The following WWP1 variants were observed in gnomAD, a reference collection of about 807,000 sequenced individuals.
WWP1 encodes NEDD4-like E3 ubiquitin-protein ligase WWP1.
WWP1 carries 49 observed loss-of-function variants against 130.6 expected under a neutral mutation model. The observed-to-expected ratio is 0.38, with a 90% confidence interval of 0.30 to 0.48. WWP1 has a LOEUF of 0.48. WWP1 is among the 20% of genes least tolerant of loss of function. WWP1 has a pLI of 0.99. For missense variants in WWP1, 809 were observed against 1,100.6 expected (o/e 0.74, Z 3.75); for synonymous variants, 332 against 367.8 (o/e 0.90, Z 1.11).
chr8:86,391,688 TG>T (rs1255361363), intron 5 of WWP1, among the ~76,000 whole-genome samples: 1 of 133,618 alleles, frequency 7.5e-6, no homozygotes, highest in Non-Finnish European at 1.6e-5. Context: ...AATGAAGGAG[TG>T]GGGGTGGGGG....
intron 1 of WWP1, among the ~76,000 whole-genome samples, chr8:86,367,733 G>A (rs1586274470): frequency 6.6e-6 from 1 of 152,104 alleles, no homozygotes; most frequent in East Asian, 1.9e-4. Context: ...AACCTAAATT[G>A]ATCATATAGT....
chr8:86,374,331 T>A (rs538777325), intron 3 of WWP1, among the ~76,000 whole-genome samples: 1 of 152,222 alleles, frequency 6.6e-6, no homozygotes, highest in South Asian at 2.1e-4. Flanking sequence ...AGAGAAGATA[T>A]AGCCTCTGTA....
chr8:86,453,277 A>G (rs1205794546), intron 21 of WWP1, among the ~76,000 whole-genome samples: 1 of 152,144 alleles, frequency 6.6e-6, no homozygotes, highest in Non-Finnish European at 1.5e-5. Context: ...CTATGAGTGA[A>G]ATCATACAGT....
At chr8:86,410,557 C>G (rs1263050033) in intron 8 of WWP1, among the ~76,000 whole-genome samples, 1 of 152,076 alleles carries the variant, frequency 6.6e-6, no homozygotes, top group Non-Finnish European at 1.5e-5. Flanking sequence ...AGGTTCTTCC[C>G]TAGAGATTTC....
At chr8:86,427,396 A>AT (rs201919584) in intron 10 of WWP1, among the ~76,000 whole-genome samples, 1 of 151,820 alleles carries the variant, frequency 6.6e-6, no homozygotes, top group African/African-American at 2.4e-5. Context: ...TTAAAGTAAA[A>AT]TTAAAAAAAA....
chr8:86,435,793 C>G, intron 16 of WWP1, 89 bp downstream of exon 16: 1 of 1,230,286 alleles, frequency 8.1e-7, no homozygotes, highest in Non-Finnish European at 1.2e-6. Flanking sequence ...GATTTTTAAA[C>G]CACCCAGAAC....
intron 3 of WWP1, among the ~76,000 whole-genome samples, chr8:86,377,376 G>C (rs1008258218): frequency 7.2e-5 from 11 of 152,110 alleles, no homozygotes; most frequent in African/African-American, 2.7e-4. Flanking sequence ...GGGATTACAG[G>C]CTGAGCCACC....
rs186365387 is a variant in WWP1 at position 86,361,989 on chromosome 8, T to C, written c.-114-6950T>C. Among the ~76,000 whole-genome samples the C allele has an allele frequency of 2.2e-3, 289 of 132,040 alleles. 3 individuals are homozygous for C. The highest frequency in any genetic ancestry group is 7.1e-3 in the African/African-American group (271 of 38,242). 86.6% of individuals were successfully genotyped at this position (132,040 alleles called of 152,430 possible). A position where few individuals can be genotyped will look rare whatever the true frequency, so the allele number is the denominator to read the frequency against. On this transcript the variant is annotated intron_variant, in intron 1 of 24. Transcript: ENST00000517970. ...GTGTGTGTGTGTATATATATATATA[T>C]ATACATATATATACACACATATATA...
At position 86,411,589 on chromosome 8, in the gene WWP1, G is replaced by A; in HGVS notation, c.776G>A (p.Gly259Asp). ...CCAACTGATAATGCGTCTGTCACGG[G>A]TACTCCAGTAGTGTCTGAAGAAAAT... ...FAPTDNASVT[G>D]TPVVSEENAL... Residue 259 changes from glycine (G) to aspartate (D), a missense_variant, in exon 9 of 25, where the codon GGT becomes GAT. Around this residue, in one of 3 missense-constraint regions of WWP1, gnomAD observed 262 missense variants for 346.0 expected, o/e 0.76. Transcript: ENST00000517970. 1.2e-6 allele frequency: 2 copies of A among 1,614,030 alleles called. No homozygotes were observed. The highest frequency in any genetic ancestry group is 1.7e-6 in the Non-Finnish European group (2 of 1,179,918).
At position 86,347,015 on chromosome 8, in the gene WWP1, T is replaced by C. The variant is rs182197039; in HGVS notation, c.-115+4085T>C. On this transcript the variant is annotated intron_variant, in intron 1 of 24. Transcript: ENST00000517970. ...TTATATTTTATTTTATTTTATTTTA[T>C]TTATTTATTTTTGAGACAGGGTCTT... 3.0e-3 allele frequency among the ~76,000 whole-genome samples: 462 copies of C among 152,116 alleles called. 2 individuals carry two copies. Among genetic ancestry groups the C allele is most frequent in the African/African-American group, 0.011 (440 of 41,524 alleles).
intron 18 of WWP1, among the ~76,000 whole-genome samples, chr8:86,443,615 C>T (rs1345172337): frequency 6.6e-6 from 1 of 152,042 alleles, no homozygotes; most frequent in Non-Finnish European, 1.5e-5. Context: ...ATACACAGTC[C>T]CTGCTCTCAG....
At chr8:86,386,577 T>A (rs72688583) in intron 5 of WWP1, among the ~76,000 whole-genome samples, 8,244 of 152,210 alleles carry the variant, frequency 0.054, 314 homozygotes, top group Non-Finnish European at 0.086. Flanking sequence ...TAACTTTTAC[T>A]TAACTATCCT....
chr8:86,362,557 C>G (rs535386682), intron 1 of WWP1, among the ~76,000 whole-genome samples: 1 of 152,038 alleles, frequency 6.6e-6, no homozygotes, highest in Non-Finnish European at 1.5e-5. Context: ...GTGAGTTCAT[C>G]AAAGGAATTT....
intron 5 of WWP1, among the ~76,000 whole-genome samples, chr8:86,385,432 C>T (rs1825226335): frequency 6.6e-6 from 1 of 151,842 alleles, no homozygotes; most frequent in South Asian, 2.1e-4. Flanking sequence ...TCTAGCTCTT[C>T]AGGAAGAACC....
At chr8:86,419,897 A>G (rs1302681883) in intron 9 of WWP1, among the ~76,000 whole-genome samples, 3 of 152,194 alleles carry the variant, frequency 2.0e-5, no homozygotes, top group Non-Finnish European at 4.4e-5. Flanking sequence ...ATCAACACGA[A>G]AAGCTAGAAG....
chr8:86,370,855 C>CTTTTTTTTTTTTTTTTTTTTTTTTTTTT (rs555585296), intron 2 of WWP1, among the ~76,000 whole-genome samples: 1 of 44,862 alleles, frequency 2.2e-5, no homozygotes, highest in African/African-American at 1.0e-4. Flanking sequence ...TATATTCATT[C>CTTTTTTTTTTTTTTTTTTTTTTTTTTTT]TTTTTTTTTT....
rs1311685356 is a variant in WWP1, at chr8:86,420,952, A to C, written c.1062-4271A>C. On this transcript the variant is annotated intron_variant, in intron 9 of 24. Coordinates refer to ENST00000517970, the MANE Select transcript of WWP1 (RefSeq NM_007013.4). ...GGACTGCTTATGGGAATTATTACCT[A>C]AAAATAGCAAAAGTGAAACTTGATC... is the stretch of plus-strand genomic sequence containing the variant. Among the ~76,000 whole-genome samples the C allele has an allele frequency of 2.0e-5, 3 of 152,356 alleles. No individual in the cohort carries two copies. The East Asian group carries it at 5.8e-4, about 29-fold the overall frequency.
intron 5 of WWP1, among the ~76,000 whole-genome samples, chr8:86,394,334 A>T (rs536789088): frequency 6.6e-6 from 1 of 152,290 alleles, no homozygotes; most frequent in South Asian, 2.1e-4. Flanking sequence ...GGTACAAAAA[A>T]ATCAGCTTCT....
intron 20 of WWP1, among the ~76,000 whole-genome samples, chr8:86,449,416 C>A (rs1370465264): frequency 1.3e-5 from 2 of 152,224 alleles, no homozygotes. Flanking sequence ...TAGCTATAGA[C>A]AGTGTATAAA....
Sources: allele counts gnomAD v4.1 joint callset (sites outside exome capture counted in the v4.1 genomes callset), GRCh38; gene constraint gnomAD v4.1.1; regional missense constraint gnomAD v4.1.1; transcripts MANE v1.5; gene names NCBI Gene and HGNC (gene_info 2026-07-23, HGNC 2026-07-21).